The following SENP1 variants were observed in gnomAD, a reference collection of about 807,000 sequenced individuals.
SENP1 encodes sentrin-specific protease 1.
In SENP1, 21 loss-of-function variants were observed where a neutral mutation model predicts 93.0. The observed-to-expected ratio is 0.23, with a 90% CI of 0.16 to 0.33. The LOEUF (loss-of-function observed/expected upper bound fraction) is 0.33, where lower values mean the gene tolerates loss of function less well. Ranked by LOEUF, SENP1 falls within the 10% of genes least tolerant of loss-of-function variation. The pLI is 1.00. For synonymous variants in SENP1, 256 were observed against 259.6 expected (o/e 0.99, Z 0.13); for missense variants, 591 against 758.7 (o/e 0.78, Z 2.60).
chr12:48,089,360 G>A, intron 4 of SENP1: 2 of 1,297,972 alleles, frequency 1.5e-6, no homozygotes, highest in Non-Finnish European at 2.0e-6. Context: ...TAATTCAAAT[G>A]AACAACAGTT....
chr12:48,060,939 A>T (rs959586307), intron 13 of SENP1, among the ~76,000 whole-genome samples: 1 of 152,142 alleles, frequency 6.6e-6, no homozygotes, highest in Admixed American at 6.6e-5. Flanking sequence ...TATTATATTA[A>T]TCCTGTCAAT....
intron 12 of SENP1, among the ~76,000 whole-genome samples, chr12:48,064,351 G>A (rs1394462315): frequency 6.6e-6 from 1 of 152,122 alleles, no homozygotes; most frequent in Non-Finnish European, 1.5e-5. Flanking sequence ...TCAAAGAGAA[G>A]TATGGATAAA....
intron 14 of SENP1, among the ~76,000 whole-genome samples, chr12:48,048,630 G>A (rs577344880): frequency 6.6e-6 from 1 of 152,276 alleles, no homozygotes; most frequent in East Asian, 1.9e-4. Context: ...CACAGAATCT[G>A]AGTGGCAGCA....
At chr12:48,081,665 G>C (rs916603022) in intron 6 of SENP1, among the ~76,000 whole-genome samples, 14 of 149,880 alleles carry the variant, frequency 9.3e-5, no homozygotes, top group African/African-American at 3.5e-4. Flanking sequence ...TGAAATCCTG[G>C]GCTCAAACGA....
intron 2 of SENP1, among the ~76,000 whole-genome samples, chr12:48,100,405 C>T (rs1216065667): frequency 2.6e-5 from 4 of 152,094 alleles, no homozygotes; most frequent in East Asian, 1.9e-4. Context: ...CCAAGGCAGG[C>T]GGATCACGTG....
intron 5 of SENP1, among the ~76,000 whole-genome samples, chr12:48,086,185 A>C (rs1423994897): frequency 6.6e-6 from 1 of 152,220 alleles, no homozygotes; most frequent in Non-Finnish European, 1.5e-5. Flanking sequence ...ATTTTACAAA[A>C]ACCTTGCTTT....
chr12:48,093,198 TAC>T (rs574454447), intron 4 of SENP1, among the ~76,000 whole-genome samples: 202 of 151,810 alleles, frequency 1.3e-3, no homozygotes, highest in African/African-American at 4.8e-3. Flanking sequence ...TACTCATTTT[TAC>T]AGAGATTTTA....
At chr12:48,099,990 C>G (rs929431191) in intron 2 of SENP1, among the ~76,000 whole-genome samples, 2 of 151,930 alleles carry the variant, frequency 1.3e-5, no homozygotes, top group Non-Finnish European at 2.9e-5. Context: ...CAGAATTCAA[C>G]GACTTACACT....
rs1179539442 is a variant in SENP1, at chr12:48,094,901, C to A, written c.220+1442G>T. On this transcript the variant is annotated intron_variant, in intron 4 of 17. Coordinates refer to ENST00000549518, the MANE Select transcript of SENP1 (RefSeq NM_001267594.2). ...AATACTGATGATCTAATTTCATTAACCATTCAACTGTTCCTCCACCATTAA... is the reference window on the plus strand; with the variant it reads ...AATACTGATGATCTAATTTCATTAAACATTCAACTGTTCCTCCACCATTAA... Among the ~76,000 whole-genome samples, 5 of 152,238 alleles carry A rather than the reference C, an allele frequency of 3.3e-5. No individual in the cohort carries two copies. The East Asian group carries it at 9.6e-4, about 29-fold the overall frequency.
intron 10 of SENP1, among the ~76,000 whole-genome samples, chr12:48,066,449 T>C (rs1943303328): frequency 6.6e-6 from 1 of 152,100 alleles, no homozygotes; most frequent in African/African-American, 2.4e-5. Context: ...AACATAAGTA[T>C]AGAAATGTTC....
intron 6 of SENP1, among the ~76,000 whole-genome samples, chr12:48,079,372 G>A (rs11614558): frequency 1.7e-3 from 256 of 151,990 alleles, no homozygotes; most frequent in Non-Finnish European, 2.8e-3. Context: ...GGTGCTGCCC[G>A]CCTGTAGTCC....
At chr12:48,104,935 G>A (rs1946368486) in intron 1 of SENP1, among the ~76,000 whole-genome samples, 1 of 152,192 alleles carries the variant, frequency 6.6e-6, no homozygotes, top group Non-Finnish European at 1.5e-5. Context: ...GTGGTAGAGT[G>A]TAAACTGGAA....
chr12:48,050,842 G>A (rs1038081056), intron 13 of SENP1, among the ~76,000 whole-genome samples: 2 of 152,130 alleles, frequency 1.3e-5, no homozygotes, highest in Admixed American at 6.5e-5. Context: ...TTATAATGTT[G>A]GCCATGTTAT....
rs1405688886 is a variant in SENP1 at position 48,043,847 on chromosome 12, A to C, written c.*1475T>G. ...AAAATGTACTAAACGAGCTTGTATA[A>C]AACAGTAAAATTTTCAAATAAGCCC... On this transcript the variant is annotated 3_prime_UTR_variant, in exon 18 of 18. Transcript: ENST00000549518. 1 of 152,666 alleles carries C rather than the reference A, an allele frequency of 6.6e-6. No homozygotes were observed. The highest frequency in any genetic ancestry group is 1.5e-5 in the Non-Finnish European group (1 of 68,038). 9.5% of individuals were successfully genotyped at this position (152,666 alleles called of 1,614,324 possible). A position where few individuals can be genotyped will look rare whatever the true frequency, so the allele number is the denominator to read the frequency against.
rs574723321 is a variant in SENP1 at position 48,099,867 on chromosome 12, C to A, written c.4+1602G>T. On this transcript the variant is annotated intron_variant, in intron 2 of 17. Coordinates refer to ENST00000549518, the MANE Select transcript of SENP1 (RefSeq NM_001267594.2). ...TAAAAGCATAATTTTATTCATATTG[C>A]TCTTAACAGGTATCAGCTCAATAAC... 2.6e-5 allele frequency among the ~76,000 whole-genome samples: 4 copies of A among 152,250 alleles called. No homozygotes were observed. In the East Asian group the frequency reaches 7.7e-4, roughly 29 times the overall value.
chr12:48,101,176 C>T (rs1945908538), intron 2 of SENP1, among the ~76,000 whole-genome samples: 2 of 152,272 alleles, frequency 1.3e-5, no homozygotes, highest in East Asian at 1.9e-4. Context: ...ATCCCAGCTA[C>T]TTGGGAGGCT....
chr12:48,048,182 C>T, intron 14 of SENP1, 102 bp from the exon 15 acceptor site: 1 of 705,830 alleles, frequency 1.4e-6, no homozygotes, highest in East Asian at 2.6e-5. Context: ...AGACTTCCTA[C>T]AAAATCATGA....
At chr12:48,098,723 A>T (rs1012923588) in intron 2 of SENP1, among the ~76,000 whole-genome samples, 2 of 151,856 alleles carry the variant, frequency 1.3e-5, no homozygotes, top group African/African-American at 4.8e-5. Context: ...AGGCAGGAGG[A>T]CTGTTTTGAG....
chr12:48,075,324 A>G (rs1943992344), intron 6 of SENP1, among the ~76,000 whole-genome samples: 2 of 152,340 alleles, frequency 1.3e-5, no homozygotes, highest in South Asian at 4.1e-4. Flanking sequence ...TATGGAACAT[A>G]TATTTAAATA....
Sources: gnomAD v4.1 joint callset for allele counts (sites outside exome capture counted in the v4.1 genomes callset) on GRCh38, gnomAD v4.1.1 for gene constraint, MANE v1.5 for transcripts, NCBI Gene and HGNC (gene_info 2026-07-23, HGNC 2026-07-21) for gene names.